LIX1: variants seen among roughly 807,000 people sequenced by gnomAD.
The protein encoded by LIX1 is limb and CNS expressed 1.
LIX1 carries 24 observed loss-of-function variants against 33.4 expected under a neutral mutation model. The observed-to-expected ratio is 0.72, with a 90% CI of 0.52 to 1.01. The LOEUF (loss-of-function observed/expected upper bound fraction) is 1.01. Among genes scored for constraint, LIX1 ranks in the 50% least tolerant of loss-of-function variants. The pLI, the probability that LIX1 is intolerant of heterozygous loss-of-function variation, is 0.00. For missense variants in LIX1, 311 were observed against 339.2 expected (o/e 0.92, Z 0.65); for synonymous variants, 124 against 124.0 (o/e 1.00, Z 0.00).
intron 3 of LIX1, among the ~76,000 whole-genome samples, chr5:97,106,794 T>C (rs1747054735): frequency 6.6e-6 from 1 of 152,224 alleles, no homozygotes; most frequent in Non-Finnish European, 1.5e-5. Flanking sequence ...TTACAGAAAT[T>C]TTCAATGCTC....
At chr5:97,096,662 A>G (rs1479278379) in intron 5 of LIX1, 148 bp downstream of exon 5, 1 of 625,766 alleles carries the variant, frequency 1.6e-6, no homozygotes, top group East Asian at 2.8e-5. Context: ...GCTGTTCTAT[A>G]TATTTCTTTG....
intron 2 of LIX1, among the ~76,000 whole-genome samples, chr5:97,123,922 A>G (rs2112787933): frequency 6.6e-6 from 1 of 152,276 alleles, no homozygotes; most frequent in African/African-American, 2.4e-5. Context: ...GACTTCCCAG[A>G]GGCAGCATAG....
chr5:97,128,934 T>C (rs944919105), intron 1 of LIX1, among the ~76,000 whole-genome samples: 1 of 152,150 alleles, frequency 6.6e-6, no homozygotes, highest in African/African-American at 2.4e-5. Context: ...GTTTCCGGGG[T>C]AATATCACTG....
chr5:97,104,089 A>T (rs1746883039), intron 4 of LIX1, among the ~76,000 whole-genome samples: 3 of 152,150 alleles, frequency 2.0e-5, no homozygotes, highest in Admixed American at 2.0e-4. Context: ...GTGCATGGGG[A>T]CATTTCCATC....
rs1245333821 is a variant in LIX1, at chr5:97,094,715, G to T, written c.*33C>A. The T allele has an allele frequency of 6.2e-7, 1 of 1,601,328 alleles. No homozygotes were observed. Among genetic ancestry groups the T allele is most frequent in the Non-Finnish European group, 8.5e-7 (1 of 1,171,932 alleles). On this transcript the variant is annotated 3_prime_UTR_variant, in exon 6 of 6. Transcript: ENST00000274382. Reference sequence around the variant, plus strand: ...GATTCCTAATGTTAATCTGGCCTCTGCCATCACTGAGGGTACCCGGGGCTT... The same window carrying T: ...GATTCCTAATGTTAATCTGGCCTCTTCCATCACTGAGGGTACCCGGGGCTT...
chr5:97,118,480 G>C (rs1393946980), intron 2 of LIX1, among the ~76,000 whole-genome samples: 1 of 151,620 alleles, frequency 6.6e-6, no homozygotes, highest in Non-Finnish European at 1.5e-5. Flanking sequence ...GGATCTGATG[G>C]CCCTTGTATT....
intron 2 of LIX1, 54 bp from the exon 3 acceptor site, chr5:97,107,554 C>A (rs1747125057): frequency 6.3e-7 from 1 of 1,579,842 alleles, no homozygotes; most frequent in South Asian, 1.1e-5. Flanking sequence ...TTTCACCATT[C>A]CACTCCTGCA....
chr5:97,122,711 A>T lies in LIX1; in HGVS notation c.246+1755T>A, dbSNP rs137980415. On this transcript the variant is annotated intron_variant, in intron 2 of 5. Transcript: ENST00000274382. ...TAGATGTCTGGAAGCCACTGATGCC[A>T]GTTTGACCAGAACATGTTTTGTCTC... 2.4e-3 allele frequency among the ~76,000 whole-genome samples: 369 copies of T among 152,266 alleles called. 2 individuals are homozygous for T. The highest frequency in any genetic ancestry group is 8.6e-3 in the African/African-American group (356 of 41,550).
chr5:97,098,290 G>A (rs545583646), intron 4 of LIX1, among the ~76,000 whole-genome samples: 5 of 152,310 alleles, frequency 3.3e-5, no homozygotes, highest in African/African-American at 9.6e-5. Flanking sequence ...CCAGGGCTGA[G>A]CACAGCATTC....
At chr5:97,116,424 T>G (rs2112780081) in intron 2 of LIX1, among the ~76,000 whole-genome samples, 1 of 151,498 alleles carries the variant, frequency 6.6e-6, no homozygotes, top group South Asian at 2.1e-4. Flanking sequence ...GGGATGGGGG[T>G]CTTAGCTAGG....
chr5:97,135,075 T>C lies in LIX1; in HGVS notation c.82+7420A>G, dbSNP rs1470587207. On this transcript the variant is annotated intron_variant, in intron 1 of 5. Coordinates refer to ENST00000274382, the MANE Select transcript of LIX1 (RefSeq NM_153234.5). The stretch of plus-strand genomic sequence containing the variant: ...CCACTCCTTACCCCAAACATATTCC[T>C]GAGGAAATTATGATCCTTCAGGTTG... Among the ~76,000 whole-genome samples the C allele has an allele frequency of 2.0e-5, 3 of 152,232 alleles. No homozygotes were observed. In the East Asian group the frequency reaches 5.8e-4, roughly 29 times the overall value.
intron 1 of LIX1, among the ~76,000 whole-genome samples, chr5:97,129,555 GA>G (rs924144557): frequency 1.6e-4 from 23 of 146,702 alleles, no homozygotes; most frequent in East Asian, 3.9e-4. Flanking sequence ...TCCTACAAAG[GA>G]AAAAAAAAAG....
In LIX1 at chr5:97,138,580, C is replaced by A. The variant is rs139737830; in HGVS notation, c.82+3915G>T. Among the ~76,000 whole-genome samples, 232 of 152,326 alleles carry A rather than the reference C, an allele frequency of 1.5e-3. 9 individuals are homozygous for A. The East Asian group carries it at 0.038, about 25-fold the overall frequency. On this transcript the variant is annotated intron_variant, in intron 1 of 5. Transcript: ENST00000274382. ...CGGCATGTCAGCATGACCCAACCTG[C>A]CTCCTCAGTCTGTCTCTGCCTCCCC... is the stretch of plus-strand genomic sequence containing the variant.
chr5:97,129,517 C>G (rs1748008440), intron 1 of LIX1, among the ~76,000 whole-genome samples: 2 of 152,010 alleles, frequency 1.3e-5, no homozygotes. Context: ...CTTACAGCAC[C>G]CCCTTGAAAT....
In LIX1 at chr5:97,136,670, C is replaced by T. The variant is rs192900795; in HGVS notation, c.82+5825G>A. 4.1e-3 allele frequency among the ~76,000 whole-genome samples: 619 copies of T among 151,854 alleles called. 3 individuals are homozygous for T. The highest frequency in any genetic ancestry group is 0.012 in the South Asian group (58 of 4,810). Reference sequence around the variant, plus strand: ...GCCATAAGTGCCAAAGGAGTGGTGACGAAATGATGGTTTCTCACAGCTGCT... The same window carrying T: ...GCCATAAGTGCCAAAGGAGTGGTGATGAAATGATGGTTTCTCACAGCTGCT... On this transcript the variant is annotated intron_variant, in intron 1 of 5. Coordinates refer to ENST00000274382, the MANE Select transcript of LIX1 (RefSeq NM_153234.5).
chr5:97,138,385 T>G (rs1451368833), intron 1 of LIX1, among the ~76,000 whole-genome samples: 1 of 152,240 alleles, frequency 6.6e-6, no homozygotes, highest in Non-Finnish European at 1.5e-5. Flanking sequence ...TCTTGCATCT[T>G]GTCTGAGTTG....
chr5:97,132,685 C>T lies in LIX1; in HGVS notation c.83-8056G>A, dbSNP rs537953598. Among the ~76,000 whole-genome samples, 5 of 152,312 alleles carry T rather than the reference C, an allele frequency of 3.3e-5. No individual in the cohort carries two copies. The East Asian group carries it at 9.7e-4, about 29-fold the overall frequency. The stretch of plus-strand genomic sequence containing the variant: ...AAGGGTAGGAACAGAGTCCCTTGTC[C>T]TTTGCCCTTGCCAAAGGTGCTGTGC... On this transcript the variant is annotated intron_variant, in intron 1 of 5. Transcript: ENST00000274382.
At chr5:97,131,950 G>A (rs758747985) in intron 1 of LIX1, among the ~76,000 whole-genome samples, 14 of 152,332 alleles carry the variant, frequency 9.2e-5, no homozygotes, top group Admixed American at 4.6e-4. Flanking sequence ...TAGAAATGTG[G>A]TTGCTGGCTG....
intron 2 of LIX1, among the ~76,000 whole-genome samples, chr5:97,122,690 T>C (rs925218802): frequency 9.9e-5 from 15 of 152,182 alleles, no homozygotes; most frequent in African/African-American, 3.4e-4. Flanking sequence ...ATGGCTTAGA[T>C]GTCTGGAAGC....
Sources: allele counts gnomAD v4.1 joint callset (sites outside exome capture counted in the v4.1 genomes callset), GRCh38; gene constraint gnomAD v4.1.1; transcripts MANE v1.5; gene names NCBI Gene and HGNC (gene_info 2026-07-23, HGNC 2026-07-21).